Variants in ZNF362 observed in about 807,000 individuals in gnomAD.
ZNF362 encodes the protein rotund homolog.
ZNF362 carries 11 observed loss-of-function variants against 42.9 expected under a neutral mutation model. The observed-to-expected ratio is 0.26, with a 90% CI of 0.16 to 0.42. The LOEUF (loss-of-function observed/expected upper bound fraction) is 0.42. Ranked by LOEUF, ZNF362 falls within the 20% of genes least tolerant of loss-of-function variation. The pLI, the probability that ZNF362 is intolerant of heterozygous loss-of-function variation, is 1.00. For synonymous variants in ZNF362, 255 were observed against 257.3 expected (o/e 0.99, Z 0.09); for missense variants, 362 against 576.2 (o/e 0.63, Z 3.81).
At chr1:33,188,407 T>C in the ZNF362 span, among the ~76,000 whole-genome samples, 3 of 152,316 alleles carry the variant, frequency 2.0e-5, no homozygotes, top group South Asian at 6.2e-4. Flanking sequence ...ACTTTCTCCA[T>C]GGCCATGTTA....
the ZNF362 span, among the ~76,000 whole-genome samples, chr1:33,191,761 TC>T: frequency 6.6e-6 from 1 of 152,214 alleles, no homozygotes; most frequent in Non-Finnish European, 1.5e-5. Context: ...TGCCTCAACC[TC>T]CCAAAGTGCT....
chr1:33,298,297 C>T (rs1477444531), intron 8 of ZNF362, among the ~76,000 whole-genome samples: 1 of 152,182 alleles, frequency 6.6e-6, no homozygotes, highest in Non-Finnish European at 1.5e-5. Flanking sequence ...CTGTGGTGAG[C>T]TGTGATTGTG....
the ZNF362 span, among the ~76,000 whole-genome samples, chr1:33,238,654 A>G: frequency 6.6e-6 from 1 of 151,992 alleles, no homozygotes; most frequent in African/African-American, 2.4e-5. Flanking sequence ...TAAAGCCCTA[A>G]CCCCCAATGT....
At chr1:33,287,454 G>T (rs1216885823) in intron 6 of ZNF362, among the ~76,000 whole-genome samples, 1 of 152,184 alleles carries the variant, frequency 6.6e-6, no homozygotes, top group African/African-American at 2.4e-5. Flanking sequence ...CCACTGCACT[G>T]CAGCCTGGGT....
At chr1:33,221,712 A>G in the ZNF362 span, among the ~76,000 whole-genome samples, 20 of 152,308 alleles carry the variant, frequency 1.3e-4, no homozygotes, top group South Asian at 3.1e-3. Flanking sequence ...TTCATTTTTC[A>G]TTTCACTAAG....
intron 1 of ZNF362, among the ~76,000 whole-genome samples, chr1:33,262,675 C>G (rs965293913): frequency 1.3e-5 from 2 of 152,162 alleles, no homozygotes; most frequent in Non-Finnish European, 1.5e-5. Flanking sequence ...CGGGGGACAC[C>G]TGCTTGAGAG....
At chr1:33,143,769 C>T in the ZNF362 span, among the ~76,000 whole-genome samples, 1 of 152,182 alleles carries the variant, frequency 6.6e-6, no homozygotes, top group Non-Finnish European at 1.5e-5. Flanking sequence ...GTCCTGGGCT[C>T]CCAGGGGTGC....
the ZNF362 span, among the ~76,000 whole-genome samples, chr1:33,211,650 T>C: frequency 6.6e-6 from 1 of 152,140 alleles, no homozygotes; most frequent in Non-Finnish European, 1.5e-5. Flanking sequence ...GCCCTTTCTC[T>C]CTGGCTGCCC....
rs776737692 is a variant in ZNF362 at position 33,276,093 on chromosome 1, C to T, written c.39-7C>T. ...TCTTCCCGGTGACAGTCGCTCTCTT[C>T]CCGCAGGATGGCCGAGCCTCGATTT... On this transcript the variant is annotated splice_polypyrimidine_tract_variant and splice_region_variant and intron_variant, in intron 2 of 8. Transcript: ENST00000539719. 9.9e-6 allele frequency: 16 copies of T among 1,613,912 alleles called. No individual in the cohort carries two copies. Among genetic ancestry groups the T allele is most frequent in the East Asian group, 4.5e-5 (2 of 44,892 alleles).
At chr1:33,273,072 G>C (rs113707165) in intron 2 of ZNF362, among the ~76,000 whole-genome samples, 2 of 152,222 alleles carry the variant, frequency 1.3e-5, no homozygotes, top group African/African-American at 4.8e-5. Context: ...CCACCCTCTT[G>C]TACAGGTCCC....
At chr1:33,176,536 G>A in the ZNF362 span, 15 of 639,084 alleles carry the variant, frequency 2.3e-5, no homozygotes, top group Non-Finnish European at 4.1e-5. Flanking sequence ...CTCTCTGGGG[G>A]TTAGGAACCT....
chr1:33,246,173 A>C, the ZNF362 span, among the ~76,000 whole-genome samples: 1 of 152,206 alleles, frequency 6.6e-6, no homozygotes, highest in Non-Finnish European at 1.5e-5. Context: ...TAACAGTCCC[A>C]GGAAGTGAAT....
chr1:33,222,426 A>G, the ZNF362 span, among the ~76,000 whole-genome samples: 1 of 152,212 alleles, frequency 6.6e-6, no homozygotes, highest in African/African-American at 2.4e-5. Flanking sequence ...TACTGCAAAT[A>G]GTCATATCAC....
the ZNF362 span, among the ~76,000 whole-genome samples, chr1:33,236,166 A>C: frequency 6.6e-6 from 1 of 152,050 alleles, no homozygotes; most frequent in African/African-American, 2.4e-5. Flanking sequence ...GATTAGCGCA[A>C]TGAATTAGCA....
At chr1:33,132,912 A>G in the ZNF362 span, among the ~76,000 whole-genome samples, 1 of 152,262 alleles carries the variant, frequency 6.6e-6, no homozygotes, top group Non-Finnish European at 1.5e-5. Flanking sequence ...TCAGAAAAGC[A>G]TGGGGGAATG....
At chr1:33,278,987 T>C (rs1199743733) in intron 4 of ZNF362, among the ~76,000 whole-genome samples, 1 of 152,214 alleles carries the variant, frequency 6.6e-6, no homozygotes, top group Non-Finnish European at 1.5e-5. Flanking sequence ...AGAAGTAGAA[T>C]TGCTTGGCCA....
the ZNF362 span, chr1:33,181,110 G>A: frequency 6.2e-7 from 1 of 1,600,136 alleles, no homozygotes; most frequent in Non-Finnish European, 8.5e-7. This position sits in a 1 kb window ranked among gnomAD's most constrained non-coding sequence, Gnocchi z 6.5. Flanking sequence ...GCAGAGAAGC[G>A]CGCGGTCCGT....
the ZNF362 span, among the ~76,000 whole-genome samples, chr1:33,227,773 T>C: frequency 6.6e-6 from 1 of 152,124 alleles, no homozygotes; most frequent in Non-Finnish European, 1.5e-5. Context: ...TTCTATCCCA[T>C]TGGATCCCTT....
At chr1:33,193,004 C>CATATATATATATATAT in the ZNF362 span, among the ~76,000 whole-genome samples, 1 of 137,294 alleles carries the variant, frequency 7.3e-6, no homozygotes, top group African/African-American at 2.6e-5. Context: ...CACACACACA[C>CATATATATATATATAT]ATATATATAT....
Sources: gnomAD v4.1 joint callset for allele counts (sites outside exome capture counted in the v4.1 genomes callset) on GRCh38, gnomAD v4.1.1 for gene constraint, Gnocchi (gnomAD v3.1) non-coding constraint, MANE v1.5 for transcripts, NCBI Gene and HGNC (gene_info 2026-07-23, HGNC 2026-07-21) for gene names.